The following RNF212B variants were observed in gnomAD, a reference collection of about 807,000 sequenced individuals.
The protein encoded by RNF212B is ring finger protein 212B, also known as E3 ubiquitin-protein ligase RNF212B.
A neutral mutation model predicts 55.5 loss-of-function variants in RNF212B; 52 were observed. That is an observed-to-expected ratio of 0.94 (90% confidence interval 0.75 to 1.18). The LOEUF is 1.18. Among genes scored for constraint, RNF212B ranks in the 50% most tolerant of loss-of-function variants. The pLI is 0.00. For synonymous variants in RNF212B, 99 were observed against 121.4 expected (o/e 0.82, Z 1.21); for missense variants, 289 against 350.4 (o/e 0.82, Z 1.40).
intron 11 of RNF212B, among the ~76,000 whole-genome samples, chr14:23,265,660 A>G (rs1440335712): frequency 6.6e-6 from 1 of 152,100 alleles, no homozygotes; most frequent in African/African-American, 2.4e-5. Flanking sequence ...TCTCTTTTTC[A>G]TTCTTAATTT....
intron 4 of RNF212B, among the ~76,000 whole-genome samples, chr14:23,245,999 A>C (rs1333816052): frequency 6.6e-6 from 1 of 152,200 alleles, no homozygotes; most frequent in Non-Finnish European, 1.5e-5. Flanking sequence ...CAAAGACTTA[A>C]GGCCATTTTT....
chr14:23,208,459 A>C lies in RNF212B; in HGVS notation c.-2+15058A>C, dbSNP rs1880077945. On this transcript the variant is annotated intron_variant, in intron 2 of 15. Transcript: ENST00000399910. ...CTGCAATGAGCTATGATCACACTGC[A>C]CTCTAGAATGGGTGACAGAGTGAGA... Among the ~76,000 whole-genome samples the C allele has an allele frequency of 2.6e-5, 4 of 152,134 alleles. No individual in the cohort carries two copies. In the South Asian group the frequency reaches 8.3e-4, roughly 32 times the overall value.
chr14:23,205,847 G>A (rs1421246386), intron 2 of RNF212B, among the ~76,000 whole-genome samples: 2 of 152,102 alleles, frequency 1.3e-5, no homozygotes, highest in Non-Finnish European at 2.9e-5. Flanking sequence ...AATTACACAA[G>A]CATAGATCAT....
intron 4 of RNF212B, among the ~76,000 whole-genome samples, chr14:23,245,251 T>C (rs1210842591): frequency 2.6e-5 from 4 of 152,178 alleles, no homozygotes; most frequent in African/African-American, 9.7e-5. Flanking sequence ...ATCCTCACTC[T>C]AGAGATGGAG....
intron 5 of RNF212B, among the ~76,000 whole-genome samples, chr14:23,259,210 AAC>A (rs953382227): frequency 5.3e-4 from 81 of 151,990 alleles, no homozygotes; most frequent in African/African-American, 1.8e-3. Flanking sequence ...AACAAAAAAA[AAC>A]ATCTGCTTCC....
intron 2 of RNF212B, among the ~76,000 whole-genome samples, chr14:23,200,514 T>G (rs149915401): frequency 6.6e-6 from 1 of 152,036 alleles, no homozygotes; most frequent in Non-Finnish European, 1.5e-5. Flanking sequence ...TCAGCAGAGA[T>G]GGGGTTTCAC....
chr14:23,257,107 C>T (rs28368866), intron 4 of RNF212B, among the ~76,000 whole-genome samples: 26,387 of 151,856 alleles, frequency 0.17, 3,403 homozygotes, highest in African/African-American at 0.37. Flanking sequence ...GAGCTGAGAT[C>T]GTGCCATTGC....
At chr14:23,238,191 C>G (rs1188195839) in intron 1 of RNF212B, among the ~76,000 whole-genome samples, 136 bp downstream of exon 1, 3 of 152,118 alleles carry the variant, frequency 2.0e-5, no homozygotes, top group Admixed American at 6.6e-5. Flanking sequence ...TTGGGCTCAT[C>G]TGGTCAATTC....
chr14:23,236,343 G>A (rs1883089125), upstream of RNF212B, among the ~76,000 whole-genome samples: 1 of 152,066 alleles, frequency 6.6e-6, no homozygotes, highest in African/African-American at 2.4e-5. Context: ...GTGAAACCCC[G>A]TCTCTACTAA....
intron 2 of RNF212B, among the ~76,000 whole-genome samples, chr14:23,209,993 A>G (rs529705049): frequency 6.6e-6 from 1 of 152,268 alleles, no homozygotes; most frequent in East Asian, 1.9e-4. Flanking sequence ...TCTCTGTTAA[A>G]AATACAAAAA....
chr14:23,261,081 G>T (rs527449932), intron 7 of RNF212B, among the ~76,000 whole-genome samples: 1 of 152,282 alleles, frequency 6.6e-6, no homozygotes, highest in East Asian at 1.9e-4. Context: ...GCTGTGTCCG[G>T]TTTCCATTGG....
At chr14:23,229,259 T>TATATAC (rs1434448490) in intron 2 of RNF212B, among the ~76,000 whole-genome samples, 2 of 122,488 alleles carry the variant, frequency 1.6e-5, no homozygotes, top group African/African-American at 6.3e-5. Context: ...TATATATATA[T>TATATAC]ATACCACATT....
intron 1 of RNF212B, among the ~76,000 whole-genome samples, chr14:23,191,815 C>G (rs1292258470): frequency 6.6e-6 from 1 of 152,176 alleles, no homozygotes; most frequent in Admixed American, 6.5e-5. Context: ...AGGCCTAGAG[C>G]AGTTCTTGGC....
At chr14:23,223,602 G>A (rs984937722) in intron 2 of RNF212B, among the ~76,000 whole-genome samples, 10 of 152,028 alleles carry the variant, frequency 6.6e-5, no homozygotes, top group African/African-American at 9.7e-5. Flanking sequence ...TGATCTGCCC[G>A]CCTCAGCCTC....
chr14:23,239,050 A>G (rs1883360967), intron 1 of RNF212B, among the ~76,000 whole-genome samples: 1 of 152,160 alleles, frequency 6.6e-6, no homozygotes, highest in Admixed American at 6.5e-5. Flanking sequence ...CAAAGTCCAT[A>G]TCAGATCTAT....
At chr14:23,251,521 G>T (rs745508814) in intron 4 of RNF212B, among the ~76,000 whole-genome samples, 7 of 152,168 alleles carry the variant, frequency 4.6e-5, no homozygotes, top group South Asian at 2.1e-4. Flanking sequence ...TATTATAAAA[G>T]ATACAACATA....
chr14:23,192,632 A>G (rs1443417877), intron 1 of RNF212B, among the ~76,000 whole-genome samples: 1 of 152,094 alleles, frequency 6.6e-6, no homozygotes, highest in African/African-American at 2.4e-5. Flanking sequence ...ACATGTATAC[A>G]TATGTAACAA....
intron 12 of RNF212B, among the ~76,000 whole-genome samples, chr14:23,269,533 A>C (rs1444756237): frequency 6.6e-6 from 1 of 151,924 alleles, no homozygotes; most frequent in Non-Finnish European, 1.5e-5. Flanking sequence ...GGTGTTGGAG[A>C]CCAGGCTGAG....
At position 23,211,217 on chromosome 14, in the gene RNF212B, C is replaced by CA. The variant is rs756327857; in HGVS notation, c.-2+17827dup. On this transcript the variant is annotated intron_variant, in intron 2 of 15. Coordinates refer to the RNF212B transcript ENST00000399910. Reference sequence around the variant, plus strand: ...TGGGCAACAGAGTGAGACTCTGTCTCAAAAAAAAAAAGAAAGAAAAAGCAA... The same window carrying CA: ...TGGGCAACAGAGTGAGACTCTGTCTCAAAAAAAAAAAAGAAAGAAAAAGCAA... Among the ~76,000 whole-genome samples, 246 of 49,126 alleles carry CA rather than the reference C, an allele frequency of 5.0e-3. 1 individual carries two copies. Among genetic ancestry groups the CA allele is most frequent in the African/African-American group, 0.018 (222 of 12,546 alleles). 32.2% of individuals were successfully genotyped at this position (49,126 alleles called of 152,430 possible). A position where few individuals can be genotyped will look rare whatever the true frequency, so the allele number is the denominator to read the frequency against.
Sources: gnomAD v4.1 joint callset for allele counts (sites outside exome capture counted in the v4.1 genomes callset) on GRCh38, gnomAD v4.1.1 for gene constraint, MANE v1.5 for transcripts, NCBI Gene and HGNC (gene_info 2026-07-23, HGNC 2026-07-21) for gene names.